The following LRRC49 variants were observed in gnomAD, a reference collection of about 807,000 sequenced individuals.
LRRC49 encodes leucine rich repeat containing 49.
LRRC49 carries 50 observed loss-of-function variants against 83.3 expected under a neutral mutation model. The ratio of observed to expected loss-of-function variants is 0.60; its 90% CI spans 0.48 to 0.76. The LOEUF (loss-of-function observed/expected upper bound fraction) is 0.76. Among genes scored for constraint, LRRC49 ranks in the 30% least tolerant of loss-of-function variants. LRRC49 has a pLI of 0.00. For synonymous variants in LRRC49, 286 were observed against 283.3 expected, an observed-to-expected ratio of 1.01 and a Z score of -0.10; for missense variants, 704 against 809.1, an observed-to-expected ratio of 0.87 and a Z score of 1.58.
chr15:70,853,791 T>A (rs1398844844), intron 1 of LRRC49: 13 of 934,878 alleles, frequency 1.4e-5, no homozygotes, highest in Non-Finnish European at 1.7e-5. Flanking sequence ...CTCAACCCCC[T>A]CTGCCCGAGG....
chr15:70,999,508 T>C (rs1276424469), intron 11 of LRRC49, among the ~76,000 whole-genome samples: 2 of 152,172 alleles, frequency 1.3e-5, no homozygotes, highest in African/African-American at 4.8e-5. Context: ...CCAGACTCTA[T>C]CGATTGGTTC....
chr15:70,895,839 TG>T lies in LRRC49; in HGVS notation c.106-9del, dbSNP rs764449130. ...CTCCAAATATTTTTTTCTTTAATAA[TG>T]TTTTTCAGGTTGAATTCAAGCTAAA... On this transcript the variant is annotated splice_polypyrimidine_tract_variant and intron_variant, in intron 2 of 15. Coordinates refer to ENST00000260382, the MANE Select transcript of LRRC49 (RefSeq NM_017691.5). 2 of 1,573,592 alleles carry T rather than the reference TG, an allele frequency of 1.3e-6. No individual in the cohort carries two copies. Among genetic ancestry groups the T allele is most frequent in the Non-Finnish European group, 1.7e-6 (2 of 1,153,720 alleles).
intron 8 of LRRC49, among the ~76,000 whole-genome samples, chr15:70,943,321 G>A (rs1202078307): frequency 6.6e-6 from 1 of 152,120 alleles, no homozygotes; most frequent in Non-Finnish European, 1.5e-5. Context: ...TGACTGAGGG[G>A]CATAAGGCAA....
At chr15:70,963,700 A>G in intron 8 of LRRC49, 85 bp from the exon 9 acceptor site, 1 of 1,444,936 alleles carries the variant, frequency 6.9e-7, no homozygotes, top group East Asian at 2.3e-5. Context: ...TAAATCTAAA[A>G]CTGTGCTAAA....
At chr15:70,903,566 C>T (rs2034175442) in intron 4 of LRRC49, among the ~76,000 whole-genome samples, 1 of 152,004 alleles carries the variant, frequency 6.6e-6, no homozygotes, top group Admixed American at 6.5e-5. Flanking sequence ...ATTCTGATCA[C>T]TGTCATAGTT....
At chr15:70,931,339 GCA>G (rs987239565) in intron 7 of LRRC49, among the ~76,000 whole-genome samples, 10 of 152,090 alleles carry the variant, frequency 6.6e-5, no homozygotes, top group Non-Finnish European at 1.5e-4. Context: ...CCTTCTATGG[GCA>G]CAGTTTGTGA....
intron 2 of LRRC49, chr15:70,873,334 C>A: frequency 8.1e-7 from 1 of 1,235,482 alleles, no homozygotes. Flanking sequence ...AGCTATTATA[C>A]AAGAATGAAA....
intron 8 of LRRC49, among the ~76,000 whole-genome samples, chr15:70,937,361 CT>C (rs2035634786): frequency 6.6e-6 from 1 of 151,996 alleles, no homozygotes; most frequent in South Asian, 2.1e-4. Context: ...GCATATTATC[CT>C]TTATATTGTG....
rs1458474201 is a variant in LRRC49, at chr15:70,919,106, C to G, written c.624C>G (p.Ala208=). 1 of 1,611,778 alleles carries G rather than the reference C, an allele frequency of 6.2e-7. No individual in the cohort carries two copies. Among genetic ancestry groups the G allele is most frequent in the Non-Finnish European group, 8.5e-7 (1 of 1,178,436 alleles). Residue 208 remains alanine, a synonymous_variant, in exon 7 of 16, where the codon GCC becomes GCG. Transcript: ENST00000260382. ...GTGAGTTGAGAGTTTTAAATCTTGCCAGGAACTTTTTAAGTCATGTTGATA... is the reference window on the plus strand; with the variant it reads ...GTGAGTTGAGAGTTTTAAATCTTGCGAGGAACTTTTTAAGTCATGTTGATA... ...HLCELRVLNL[A]RNFLSHVDNL...
intron 10 of LRRC49, among the ~76,000 whole-genome samples, chr15:70,983,106 C>T (rs1335091581): frequency 6.6e-6 from 1 of 152,062 alleles, no homozygotes; most frequent in Admixed American, 6.6e-5. Flanking sequence ...TTTCAGCATT[C>T]TGATCTAATT....
intron 9 of LRRC49, among the ~76,000 whole-genome samples, chr15:70,974,067 C>T (rs1468600493): frequency 1.3e-5 from 2 of 151,950 alleles, no homozygotes; most frequent in Non-Finnish European, 2.9e-5. Context: ...TTGGAGGTTG[C>T]GGTGAGCCGA....
chr15:70,966,530 G>C (rs2036800856), intron 9 of LRRC49, among the ~76,000 whole-genome samples: 1 of 151,958 alleles, frequency 6.6e-6, no homozygotes. Context: ...TTCTCTGTTT[G>C]AGAAATTGTA....
intron 7 of LRRC49, among the ~76,000 whole-genome samples, chr15:70,930,154 T>C (rs900218994): frequency 5.9e-5 from 9 of 152,186 alleles, no homozygotes; most frequent in African/African-American, 2.2e-4. Flanking sequence ...TAAAGCCTTA[T>C]GAAATGTATA....
intron 2 of LRRC49, among the ~76,000 whole-genome samples, chr15:70,879,422 C>G (rs1192379877): frequency 6.6e-6 from 1 of 152,184 alleles, no homozygotes; most frequent in Non-Finnish European, 1.5e-5. Flanking sequence ...TTAAATTATA[C>G]TGGACATTTT....
chr15:70,932,097 G>A (rs1008762396), intron 7 of LRRC49, among the ~76,000 whole-genome samples: 3 of 152,150 alleles, frequency 2.0e-5, no homozygotes, highest in East Asian at 1.9e-4. Flanking sequence ...TTGCTCTGGG[G>A]TATTAAAACA....
At chr15:70,965,840 T>C (rs77986018) in intron 9 of LRRC49, among the ~76,000 whole-genome samples, 2,367 of 152,258 alleles carry the variant, frequency 0.016, 28 homozygotes, top group Non-Finnish European at 0.024. Flanking sequence ...TATGGACTTA[T>C]GGTATTTAGT....
chr15:70,918,928 T>C, intron 6 of LRRC49, 122 bp from the exon 7 acceptor site: 3 of 673,858 alleles, frequency 4.5e-6, no homozygotes, highest in Non-Finnish European at 7.3e-6. Flanking sequence ...GATTTTTAAA[T>C]GTCTACATAT....
chr15:71,005,784 ATTAG>A (rs894340732), intron 11 of LRRC49, among the ~76,000 whole-genome samples: 15 of 152,330 alleles, frequency 9.8e-5, no homozygotes, highest in African/African-American at 2.9e-4. Context: ...GAAAGAATTA[ATTAG>A]TTAATTAATT....
chr15:70,870,290 A>G (rs1165296501), intron 1 of LRRC49, among the ~76,000 whole-genome samples: 2 of 152,254 alleles, frequency 1.3e-5, no homozygotes, highest in Non-Finnish European at 2.9e-5. Context: ...AGCAGCCCAC[A>G]CTTTGTCATA....
Sources: allele counts gnomAD v4.1 joint callset (sites outside exome capture counted in the v4.1 genomes callset), GRCh38; gene constraint gnomAD v4.1.1; transcripts MANE v1.5; gene names NCBI Gene and HGNC (gene_info 2026-07-23, HGNC 2026-07-21).